TFEC: variants seen among roughly 807,000 people sequenced by gnomAD.
TFEC encodes the protein class E basic helix-loop-helix protein 34.
A neutral mutation model predicts 41.6 loss-of-function variants in TFEC; 31 were observed. That is an observed-to-expected ratio of 0.74 (90% CI 0.56 to 1.01). The LOEUF (loss-of-function observed/expected upper bound fraction) is 1.01, where lower values mean the gene tolerates loss of function less well. Ranked by LOEUF, TFEC falls within the 50% of genes least tolerant of loss-of-function variation. TFEC has a pLI of 0.00. For synonymous variants in TFEC, 143 were observed against 140.6 expected (o/e 1.02, Z -0.12); for missense variants, 402 against 404.1 (o/e 0.99, Z 0.04).
chr7:116,063,123 C>T (rs1013445601), intron 3 of TFEC, among the ~76,000 whole-genome samples: 14 of 152,114 alleles, frequency 9.2e-5, no homozygotes, highest in African/African-American at 3.1e-4. Flanking sequence ...ACACATGCTA[C>T]AACATGGATG....
At chr7:116,049,229 G>A (rs1371020291) in intron 3 of TFEC, among the ~76,000 whole-genome samples, 1 of 152,086 alleles carries the variant, frequency 6.6e-6, no homozygotes, top group Admixed American at 6.5e-5. Context: ...CTGTATTCAG[G>A]AGACCCATCT....
At chr7:116,015,003 T>C (rs1160728887) in intron 1 of TFEC, among the ~76,000 whole-genome samples, 4 of 152,036 alleles carry the variant, frequency 2.6e-5, no homozygotes, top group South Asian at 2.1e-4. Flanking sequence ...AACTGTAAGA[T>C]AATAAATTTG....
intron 1 of TFEC, among the ~76,000 whole-genome samples, chr7:116,148,273 G>A (rs1039839908): frequency 1.3e-5 from 2 of 152,288 alleles, no homozygotes; most frequent in Admixed American, 6.5e-5. Flanking sequence ...AAAGAGGAGC[G>A]AGTGAAGTGT....
chr7:116,127,217 T>G (rs1798230551), intron 1 of TFEC, among the ~76,000 whole-genome samples: 1 of 151,858 alleles, frequency 6.6e-6, no homozygotes. Context: ...TGCCTCAGCC[T>G]CCCGAGTAGC....
chr7:116,094,855 G>A lies in TFEC; in HGVS notation c.198+15853C>T, dbSNP rs541829024. ...AATGTTATAATAGCACCAGTATTAT[G>A]GAATGAGCTCAGCACAGGTAACCTT... On this transcript the variant is annotated intron_variant, in intron 3 of 8. Coordinates refer to the TFEC transcript ENST00000484212. Among the ~76,000 whole-genome samples, 14 of 152,188 alleles carry A rather than the reference G, an allele frequency of 9.2e-5. No individual in the cohort carries two copies. In the South Asian group the frequency reaches 2.5e-3, roughly 27 times the overall value.
rs187635173 is a variant in TFEC, at chr7:115,940,130, C to T, written c.*421G>A. 96 of 154,890 alleles carry T rather than the reference C, an allele frequency of 6.2e-4. 2 individuals are homozygous for T. The highest frequency in any genetic ancestry group is 5.4e-3 in the Admixed American group (85 of 15,660). 9.6% of individuals were successfully genotyped at this position (154,890 alleles called of 1,614,324 possible). ...CCACCTGATATGTTGATCTTGATTC[C>T]GGAAGACTGATGTGAAAGTTGAAGA... On this transcript the variant is annotated 3_prime_UTR_variant, in exon 8 of 8. Coordinates refer to ENST00000265440, the MANE Select transcript of TFEC (RefSeq NM_012252.4).
At chr7:116,067,140 C>T (rs1302229698) in intron 3 of TFEC, among the ~76,000 whole-genome samples, 3 of 151,778 alleles carry the variant, frequency 2.0e-5, no homozygotes, top group African/African-American at 7.3e-5. Flanking sequence ...TAGAAAGATC[C>T]CTGAGATAAA....
chr7:116,097,783 T>G (rs1249082910), intron 3 of TFEC, among the ~76,000 whole-genome samples: 1 of 152,180 alleles, frequency 6.6e-6, no homozygotes, highest in Non-Finnish European at 1.5e-5. Context: ...GGAAGATTAT[T>G]GTGCTGTAAT....
chr7:115,997,720 C>T (rs985703515), intron 1 of TFEC, among the ~76,000 whole-genome samples: 1 of 152,020 alleles, frequency 6.6e-6, no homozygotes, highest in Non-Finnish European at 1.5e-5. Context: ...AATGGAGAAG[C>T]AATTCAGAAT....
chr7:116,070,684 A>T (rs1283926011), intron 3 of TFEC, among the ~76,000 whole-genome samples: 1 of 151,490 alleles, frequency 6.6e-6, no homozygotes, highest in East Asian at 1.9e-4. Flanking sequence ...TCTCCTAGAC[A>T]TACATTGAAG....
intron 1 of TFEC, chr7:116,121,284 AG>A (rs1226692054): frequency 6.6e-6 from 1 of 152,056 alleles, no homozygotes; most frequent in Non-Finnish European, 1.5e-5. Context: ...ATTAAGTAAA[AG>A]AAGCCAGATA....
chr7:115,979,817 T>A (rs1471919430), intron 2 of TFEC, among the ~76,000 whole-genome samples: 1 of 152,186 alleles, frequency 6.6e-6, no homozygotes, highest in East Asian at 1.9e-4. Flanking sequence ...AATATGACAC[T>A]GAGACGCATC....
intron 1 of TFEC, among the ~76,000 whole-genome samples, chr7:115,986,584 G>A (rs1477695003): frequency 2.0e-5 from 3 of 152,006 alleles, no homozygotes; most frequent in Admixed American, 1.3e-4. Context: ...TGGAAGGAGA[G>A]ATAGTACTAC....
chr7:116,066,179 G>A (rs1388158342), intron 3 of TFEC, among the ~76,000 whole-genome samples: 2 of 152,052 alleles, frequency 1.3e-5, no homozygotes, highest in Non-Finnish European at 2.9e-5. Context: ...GTCATTACCT[G>A]CTGCCATTAG....
intron 6 of TFEC, among the ~76,000 whole-genome samples, chr7:115,950,074 T>G (rs1584565766): frequency 6.7e-6 from 1 of 150,164 alleles, no homozygotes. Flanking sequence ...TGCAGTGGCA[T>G]GATCTTAGCT....
At chr7:116,150,521 A>T (rs556340908) in intron 1 of TFEC, among the ~76,000 whole-genome samples, 2 of 152,216 alleles carry the variant, frequency 1.3e-5, no homozygotes, top group African/African-American at 4.8e-5. Context: ...ATTAAAAAAA[A>T]TAAAATAAAA....
intron 3 of TFEC, among the ~76,000 whole-genome samples, chr7:116,102,639 T>G (rs1797630128): frequency 1.3e-5 from 2 of 152,180 alleles, no homozygotes. Flanking sequence ...GACCCCAATT[T>G]TAAGGCTTGA....
intron 1 of TFEC, among the ~76,000 whole-genome samples, chr7:116,139,930 C>A (rs2116380949): frequency 6.6e-6 from 1 of 152,244 alleles, no homozygotes; most frequent in East Asian, 1.9e-4. Flanking sequence ...GGCATAACCC[C>A]CATGAGGCTG....
rs952842065 is a variant in TFEC, at chr7:115,940,359, C to T, written c.*192G>A. 6 of 556,472 alleles carry T rather than the reference C, an allele frequency of 1.1e-5. No homozygotes were observed. The highest frequency in any genetic ancestry group is 1.9e-5 in the African/African-American group (1 of 51,652). 34.5% of individuals were successfully genotyped at this position (556,472 alleles called of 1,614,324 possible). A position where few individuals can be genotyped will look rare whatever the true frequency, so the allele number is the denominator to read the frequency against. ...GTCAAAGAAGAAAACACCTTTTTTT[C>T]GCCCTCAATAATTCATTAACACTAT... On this transcript the variant is annotated 3_prime_UTR_variant, in exon 8 of 8. Coordinates refer to ENST00000265440, the MANE Select transcript of TFEC (RefSeq NM_012252.4).
Sources: allele counts gnomAD v4.1 joint callset (sites outside exome capture counted in the v4.1 genomes callset), GRCh38; gene constraint gnomAD v4.1.1; transcripts MANE v1.5; gene names NCBI Gene and HGNC (gene_info 2026-07-23, HGNC 2026-07-21).